Variants in USP25 observed in about 807,000 individuals in gnomAD.
USP25 encodes ubiquitin specific peptidase 25, also known as ubiquitin carboxyl-terminal hydrolase 25.
USP25 carries 85 observed loss-of-function variants against 158.5 expected under a neutral mutation model. The observed-to-expected ratio is 0.54, with a 90% CI of 0.45 to 0.64. The LOEUF is 0.64. USP25 is among the 30% of genes least tolerant of loss of function. USP25 has a pLI of 0.00. For missense variants in USP25, 1,242 were observed against 1,327.3 expected (o/e 0.94, Z 1.00); for synonymous variants, 464 against 460.4 (o/e 1.01, Z -0.10).
Position 15,816,266 on chromosome 21 carries a change from C to T in USP25, c.932-2432C>T, listed in dbSNP as rs534989261. Among the ~76,000 whole-genome samples the T allele has an allele frequency of 6.6e-6, 1 of 152,210 alleles. No homozygotes were observed. Among genetic ancestry groups the T allele is most frequent in the African/African-American group, 2.4e-5 (1 of 41,526 alleles). ...CTGCCATGTAAGAAGTGCCTTTTGC[C>T]TCCCGCCACGATTCTGAGGGCTTCC... is the stretch of plus-strand genomic sequence containing the variant. On this transcript the variant is annotated intron_variant, in intron 9 of 25. Coordinates refer to ENST00000400183, the MANE Select transcript of USP25 (RefSeq NM_001283041.3). The surrounding 1 kb of genome is among the most constrained non-coding windows in gnomAD (Gnocchi z 4.0).
intron 14 of USP25, among the ~76,000 whole-genome samples, chr21:15,830,071 A>G (rs1457339317): frequency 3.3e-5 from 5 of 152,174 alleles, no homozygotes. Context: ...ATTTTCTACT[A>G]GAAGTAGAAA....
rs2036641293 is a variant in USP25 at position 15,811,159 on chromosome 21, C to G, written c.880C>G (p.Pro294Ala). 1 of 1,611,672 alleles carries G rather than the reference C, an allele frequency of 6.2e-7. No individual in the cohort carries two copies. Among genetic ancestry groups the G allele is most frequent in the African/African-American group, 1.3e-5 (1 of 74,718 alleles). Reference sequence around the variant, plus strand: ...TAGGGATGAAGAGAAGCCAAAGAACCCCATGGTAGAGTTGTTCTATGGCAG... The same window carrying G: ...TAGGGATGAAGAGAAGCCAAAGAACGCCATGGTAGAGTTGTTCTATGGCAG... ...EETDEEKPKN[P>A]MVELFYGRFL... is the part of the protein sequence containing the mutation. Residue 294 changes from proline (P) to alanine (A), a missense_variant, in exon 9 of 26, where the codon CCC becomes GCC. By Grantham distance (27) the Pro-to-Ala change is conservative (BLOSUM62 -1). Transcript: ENST00000400183.
intron 1 of USP25, among the ~76,000 whole-genome samples, chr21:15,760,830 A>G (rs781249283): frequency 2.0e-5 from 3 of 152,212 alleles, no homozygotes; most frequent in Non-Finnish European, 4.4e-5. Context: ...TCTTCAGGAT[A>G]TATTTCCTAA....
intron 1 of USP25, among the ~76,000 whole-genome samples, chr21:15,734,010 T>C (rs1025417117): frequency 9.2e-5 from 14 of 152,212 alleles, no homozygotes; most frequent in African/African-American, 3.1e-4. Flanking sequence ...TTCAAAGCAG[T>C]AATATTAGTA....
intron 18 of USP25, 75 bp downstream of exon 18, chr21:15,842,615 T>TGTCAGGGA (rs1468577109): frequency 9.1e-5 from 141 of 1,547,230 alleles, no homozygotes; most frequent in Non-Finnish European, 1.1e-4. Flanking sequence ...GAGAGGGACC[T>TGTCAGGGA]GTCAGGGAGT....
intron 1 of USP25, among the ~76,000 whole-genome samples, chr21:15,759,952 C>G (rs1568769073): frequency 6.6e-6 from 1 of 152,138 alleles, no homozygotes; most frequent in African/African-American, 2.4e-5. Context: ...TTTTATATGA[C>G]TTTGTTTGTG....
In USP25 at chr21:15,831,410, C is replaced by T. The variant is rs201924129; in HGVS notation, c.1774C>T (p.Arg592Ter). Residue 592 changes from arginine (R) to a stop codon, truncating the protein, a stop_gained, in exon 16 of 26, where the codon CGA (arginine) becomes TGA (stop). Transcript: ENST00000400183. LOFTEE classifies it high-confidence loss of function. ...SDKSMIQVPYRLHAVLVHEGQ... is the reference protein window; with the variant it reads ...SDKSMIQVPY ...TTTTTTTCACATTTAGGTTCCTTAT[C>T]GATTACATGCCGTTTTAGTTCACGA... 2 of 1,613,750 alleles carry T rather than the reference C, an allele frequency of 1.2e-6. No individual in the cohort carries two copies. Among genetic ancestry groups the T allele is most frequent in the East Asian group, 2.2e-5 (1 of 44,854 alleles).
At chr21:15,780,271 G>A (rs144906424) in intron 4 of USP25, among the ~76,000 whole-genome samples, 18 of 152,060 alleles carry the variant, frequency 1.2e-4, no homozygotes, top group African/African-American at 3.9e-4. Flanking sequence ...GTCTTTTTAC[G>A]TCTTAGAATC....
chr21:15,824,102 G>GCAT lies in USP25; in HGVS notation c.1145_1147dup (p.Ala382_Leu383insSer). ...ATTGTCAAGATTTGAATTTAATCAG[G>GCAT]CATTGGGAAGACCAGAAAAAATTCA... On this transcript the variant is annotated inframe_insertion, in exon 11 of 26. Coordinates refer to ENST00000400183, the MANE Select transcript of USP25 (RefSeq NM_001283041.3). 6.2e-7 allele frequency: 1 copy of GCAT among 1,613,520 alleles called. No homozygotes were observed.
At chr21:15,764,517 G>A (rs1384553886) in intron 2 of USP25, among the ~76,000 whole-genome samples, 2 of 152,088 alleles carry the variant, frequency 1.3e-5, no homozygotes, top group Admixed American at 1.3e-4. Context: ...CTACTTTTGA[G>A]CACTGTAATG....
chr21:15,839,982 G>A (rs116381747), intron 17 of USP25, among the ~76,000 whole-genome samples: 141 of 152,130 alleles, frequency 9.3e-4, no homozygotes, highest in Middle Eastern at 3.4e-3. Flanking sequence ...AGTAGCTATT[G>A]TCTTTTCCCT....
rs2098105964 is a variant in USP25 at position 15,833,186 on chromosome 21, GATA to G, written c.1994-156_1994-154del. Among the ~76,000 whole-genome samples the G allele has an allele frequency of 2.6e-5, 4 of 152,130 alleles. No homozygotes were observed. The South Asian group carries it at 8.3e-4, about 31-fold the overall frequency. ...TGTTTGAGTTTTAAAAAGTTTTGTA[GATA>G]ATAATTATTTGCTAAGCAATAGTAA... On this transcript the variant is annotated intron_variant, in intron 16 of 25. Transcript: ENST00000400183.
At chr21:15,790,947 A>C (rs1171911961) in intron 4 of USP25, among the ~76,000 whole-genome samples, 3 of 151,906 alleles carry the variant, frequency 2.0e-5, no homozygotes, top group African/African-American at 7.2e-5. Flanking sequence ...CTTTTGGGCA[A>C]GGCAGTGAAC....
intron 17 of USP25, among the ~76,000 whole-genome samples, chr21:15,840,544 TTA>T (rs1365930246): frequency 6.6e-6 from 1 of 152,114 alleles, no homozygotes; most frequent in African/African-American, 2.4e-5. Context: ...AACCACTCAC[TTA>T]AGTTCCCTAG....
At chr21:15,737,433 C>T (rs889044703) in intron 1 of USP25, among the ~76,000 whole-genome samples, 9 of 152,068 alleles carry the variant, frequency 5.9e-5, no homozygotes, top group African/African-American at 1.4e-4. Flanking sequence ...TAAACACACA[C>T]GAACCCCCTA....
chr21:15,748,463 T>C (rs1600799118), intron 1 of USP25, among the ~76,000 whole-genome samples: 1 of 142,620 alleles, frequency 7.0e-6, no homozygotes, highest in East Asian at 2.0e-4. Context: ...AGTTTTTTTT[T>C]TTTTTTTTTT....
intron 16 of USP25, 87 bp downstream of exon 16, chr21:15,831,716 C>T: frequency 1.8e-6 from 2 of 1,093,490 alleles, no homozygotes; most frequent in Admixed American, 3.9e-5. Flanking sequence ...GTAATTCACT[C>T]AGACGATGAA....
At chr21:15,833,250 T>A (rs892462823) in intron 16 of USP25, 98 bp from the exon 17 acceptor site, 2 of 1,138,326 alleles carry the variant, frequency 1.8e-6, no homozygotes, top group African/African-American at 3.1e-5. Context: ...TGGTAATAAT[T>A]CATAGTTTAA....
At chr21:15,782,389 C>T (rs543907782) in intron 4 of USP25, among the ~76,000 whole-genome samples, 6 of 152,296 alleles carry the variant, frequency 3.9e-5, no homozygotes, top group South Asian at 4.1e-4. Flanking sequence ...GCACTCTTTC[C>T]GCAGCTCAAC....
Sources: gnomAD v4.1 joint callset for allele counts (sites outside exome capture counted in the v4.1 genomes callset) on GRCh38, gnomAD v4.1.1 for gene constraint, Gnocchi (gnomAD v3.1) non-coding constraint, MANE v1.5 for transcripts, NCBI Gene and HGNC (gene_info 2026-07-23, HGNC 2026-07-21) for gene names.